The following CSTPP1 variants were observed in gnomAD, a reference collection of about 807,000 sequenced individuals.
CSTPP1 encodes the protein UPF0705 protein C11orf49.
the CSTPP1 span, chr11:47,155,312 T>A: frequency 6.8e-7 from 1 of 1,478,788 alleles, no homozygotes; most frequent in South Asian, 1.1e-5. Flanking sequence ...TGTCTCCCTG[T>A]CCTGCCCTGC....
chr11:47,066,257 A>T, the CSTPP1 span, among the ~76,000 whole-genome samples: 1 of 151,852 alleles, frequency 6.6e-6, no homozygotes, highest in East Asian at 1.9e-4. Context: ...CAAATAACAT[A>T]ATTGCATTAT....
chr11:47,036,882 T>C, the CSTPP1 span, among the ~76,000 whole-genome samples: 29 of 125,612 alleles, frequency 2.3e-4, 2 homozygotes, highest in African/African-American at 6.2e-4. Flanking sequence ...AGTTTTGCCA[T>C]GTTGGCCAGG....
At chr11:47,057,754 A>G in the CSTPP1 span, among the ~76,000 whole-genome samples, 2 of 152,156 alleles carry the variant, frequency 1.3e-5, no homozygotes, top group African/African-American at 4.8e-5. Context: ...CAAATTCTGC[A>G]TATGTGTGGG....
chr11:47,159,877 G>A, the CSTPP1 span: 6 of 354,686 alleles, frequency 1.7e-5, no homozygotes, highest in East Asian at 1.5e-4. Context: ...GGTGGCACAT[G>A]CCTGTAATTC....
chr11:47,006,564 G>C, the CSTPP1 span, among the ~76,000 whole-genome samples: 1 of 150,226 alleles, frequency 6.7e-6, no homozygotes, highest in African/African-American at 2.4e-5. Flanking sequence ...ATTTACTTCT[G>C]TTCTACTCTC....
At chr11:47,129,541 T>G in the CSTPP1 span, among the ~76,000 whole-genome samples, 1 of 152,020 alleles carries the variant, frequency 6.6e-6, no homozygotes, top group Non-Finnish European at 1.5e-5. Context: ...AGACAGGACC[T>G]CCCCCAGAAC....
the CSTPP1 span, among the ~76,000 whole-genome samples, chr11:47,125,566 C>A: frequency 0.011 from 1,631 of 152,280 alleles, 25 homozygotes; most frequent in African/African-American, 0.036. Context: ...CTTATTTATT[C>A]TGTGGCTGCT....
At chr11:46,994,737 C>CT in the CSTPP1 span, among the ~76,000 whole-genome samples, 3 of 152,242 alleles carry the variant, frequency 2.0e-5, no homozygotes, top group East Asian at 5.8e-4. Flanking sequence ...CTAAAATTCT[C>CT]TTTTTTTGTT....
the CSTPP1 span, among the ~76,000 whole-genome samples, chr11:47,087,638 G>A: frequency 6.6e-6 from 1 of 152,116 alleles, no homozygotes; most frequent in Admixed American, 6.6e-5. Context: ...GTCGGAGGTT[G>A]CAGTGAGCCG....
At chr11:47,111,855 T>C in the CSTPP1 span, among the ~76,000 whole-genome samples, 16 of 152,240 alleles carry the variant, frequency 1.1e-4, no homozygotes, top group Admixed American at 5.9e-4. Flanking sequence ...ATTTATTAAA[T>C]GTTTTCTATG....
chr11:47,066,333 C>T, the CSTPP1 span, among the ~76,000 whole-genome samples: 3 of 151,880 alleles, frequency 2.0e-5, no homozygotes, highest in African/African-American at 7.3e-5. Context: ...TGCACATTCT[C>T]CCCATGTCTG....
the CSTPP1 span, among the ~76,000 whole-genome samples, chr11:47,000,092 T>G: frequency 1.3e-5 from 2 of 152,200 alleles, no homozygotes; most frequent in African/African-American, 4.8e-5. Context: ...CCTCTGAATG[T>G]TGTCCTTCAA....
the CSTPP1 span, among the ~76,000 whole-genome samples, chr11:47,118,026 C>T: frequency 1.3e-5 from 2 of 151,690 alleles, no homozygotes; most frequent in Admixed American, 1.3e-4. Context: ...ATTACAGGTG[C>T]CTGCCACCAC....
At chr11:46,948,469 G>A in the CSTPP1 span, among the ~76,000 whole-genome samples, 1 of 151,786 alleles carries the variant, frequency 6.6e-6, no homozygotes. Context: ...TTGCACAGAA[G>A]AGGATGCCTT....
At chr11:46,956,165 G>A in the CSTPP1 span, among the ~76,000 whole-genome samples, 10 of 152,110 alleles carry the variant, frequency 6.6e-5, no homozygotes, top group Non-Finnish European at 1.5e-5. Context: ...TCTTTTGGGG[G>A]TGAACAGAAA....
chr11:46,988,012 A>G, the CSTPP1 span: 1 of 152,294 alleles, frequency 6.6e-6, no homozygotes, highest in Non-Finnish European at 1.5e-5. Context: ...CTACAATGAG[A>G]TAACATCTCA....
chr11:47,147,981 G>A, the CSTPP1 span, among the ~76,000 whole-genome samples: 29 of 152,098 alleles, frequency 1.9e-4, no homozygotes, highest in Non-Finnish European at 4.0e-4. Flanking sequence ...GGGCAAGTAG[G>A]GTTTGGGATA....
chr11:47,102,294 T>TC, the CSTPP1 span, among the ~76,000 whole-genome samples: 2 of 152,150 alleles, frequency 1.3e-5, no homozygotes, highest in South Asian at 4.1e-4. Flanking sequence ...GTCTTTTTTT[T>TC]CTTTCTTTCT....
At chr11:47,151,605 A>G in the CSTPP1 span, among the ~76,000 whole-genome samples, 9 of 151,276 alleles carry the variant, frequency 5.9e-5, no homozygotes, top group Admixed American at 2.0e-4. Flanking sequence ...GGCGGGGGGA[A>G]GTTTCCAGGA....
Sources: gnomAD v4.1 joint callset for allele counts (sites outside exome capture counted in the v4.1 genomes callset) on GRCh38, gnomAD v4.1.1 for gene constraint, MANE v1.5 for transcripts, NCBI Gene and HGNC (gene_info 2026-07-23, HGNC 2026-07-21) for gene names.